The following EPHA5 variants were observed in gnomAD, a reference collection of about 807,000 sequenced individuals.
EPHA5 encodes ephrin type-A receptor 5.
Under a neutral mutation model 105.0 loss-of-function variants are expected in EPHA5, and 60 were observed. That is an observed-to-expected ratio of 0.57 (90% CI 0.46 to 0.71). The LOEUF is 0.71. EPHA5 is among the 30% of genes least tolerant of loss of function. The pLI is 0.00. For missense variants in EPHA5, 1,218 were observed against 1,274.7 expected, an observed-to-expected ratio of 0.96 and a Z score of 0.68; for synonymous variants, 513 against 449.1, an observed-to-expected ratio of 1.14 and a Z score of -1.80.
At position 65,414,416 on chromosome 4, in the gene EPHA5, T is replaced by G. The variant is rs747216262; in HGVS notation, c.1555A>C (p.Lys519Gln). The change falls in exon 7 of 17, where the codon AAA becomes CAA. Residue 519 changes from lysine (K) to glutamine (Q), a missense_variant. Physicochemically the swap from Lys to Gln is moderately conservative, Grantham distance 53. This residue lies in a region of EPHA5 where 971 missense variants were observed against 1,013.5 expected (regional missense o/e 0.96). Transcript: ENST00000613740. ...KDQETSYTII[K>Q]SKETTITAEG... is the part of the protein sequence containing the mutation. ...GCAGTAATAGTTGTCTCTTTAGATTTGATAATCGTGTAGCTGGTCTCTTGG... is the reference window on the plus strand; with the variant it reads ...GCAGTAATAGTTGTCTCTTTAGATTGGATAATCGTGTAGCTGGTCTCTTGG... The G allele has an allele frequency of 6.2e-7, 1 of 1,613,966 alleles. No individual in the cohort carries two copies. The highest frequency in any genetic ancestry group is 8.5e-7 in the Non-Finnish European group (1 of 1,179,884).
intron 5 of EPHA5, among the ~76,000 whole-genome samples, chr4:65,464,658 A>C (rs1406913581): frequency 1.3e-5 from 2 of 152,112 alleles, no homozygotes; most frequent in Non-Finnish European, 2.9e-5. Context: ...ATGATGACCA[A>C]GGGGGAATGT....
intron 14 of EPHA5, among the ~76,000 whole-genome samples, chr4:65,347,643 A>T (rs1722345834): frequency 6.6e-6 from 1 of 152,174 alleles, no homozygotes; most frequent in East Asian, 1.9e-4. Context: ...TTATCCTCTA[A>T]GAGCATCCAC....
chr4:65,442,652 C>A (rs939390423), intron 5 of EPHA5, among the ~76,000 whole-genome samples: 1 of 152,144 alleles, frequency 6.6e-6, no homozygotes, highest in Admixed American at 6.6e-5. Flanking sequence ...ATAATTTTTA[C>A]ATATTTCATA....
At chr4:65,446,231 T>C (rs1381082350) in intron 5 of EPHA5, among the ~76,000 whole-genome samples, 1 of 152,212 alleles carries the variant, frequency 6.6e-6, no homozygotes, top group Non-Finnish European at 1.5e-5. Context: ...CTTGGTATTA[T>C]CTTTGCTTTA....
intron 5 of EPHA5, among the ~76,000 whole-genome samples, chr4:65,489,188 C>T (rs1336217040): frequency 5.9e-5 from 9 of 152,152 alleles, no homozygotes; most frequent in African/African-American, 2.2e-4. Context: ...TGAGCCACCG[C>T]GCCCAGCCAG....
At chr4:65,643,148 A>G (rs1747814226) in intron 2 of EPHA5, among the ~76,000 whole-genome samples, 1 of 152,008 alleles carries the variant, frequency 6.6e-6, no homozygotes, top group African/African-American at 2.4e-5. Flanking sequence ...CTCAGAGAGG[A>G]AATAATATAT....
intron 1 of EPHA5, among the ~76,000 whole-genome samples, chr4:65,651,300 A>C (rs1234174471): frequency 6.6e-6 from 1 of 152,222 alleles, no homozygotes; most frequent in Non-Finnish European, 1.5e-5. Flanking sequence ...TGCCTCTCTC[A>C]GGAATTGCTT....
At chr4:65,640,447 AGCTAATTTTTAT>A (rs1213715717) in intron 2 of EPHA5, among the ~76,000 whole-genome samples, 13 of 151,744 alleles carry the variant, frequency 8.6e-5, no homozygotes, top group Admixed American at 4.6e-4. Flanking sequence ...CACCACGCCC[AGCTAATTTTTAT>A]GTATTTTTAG....
At chr4:65,460,156 T>G (rs1338838041) in intron 5 of EPHA5, among the ~76,000 whole-genome samples, 1 of 151,662 alleles carries the variant, frequency 6.6e-6, no homozygotes, top group Middle Eastern at 3.2e-3. Flanking sequence ...TACACATATA[T>G]GTACATGTAT....
chr4:65,493,836 A>G (rs1290095492), intron 4 of EPHA5, among the ~76,000 whole-genome samples: 1 of 152,152 alleles, frequency 6.6e-6, no homozygotes, highest in Non-Finnish European at 1.5e-5. Context: ...TGCTGAAAAA[A>G]AAAGAAAGAT....
chr4:65,377,848 G>C (rs1719162194), intron 8 of EPHA5, among the ~76,000 whole-genome samples: 2 of 151,854 alleles, frequency 1.3e-5, no homozygotes, highest in South Asian at 4.1e-4. Flanking sequence ...AAAGACATAA[G>C]TTATTTAGTG....
At chr4:65,489,119 G>C (rs527535589) in intron 5 of EPHA5, among the ~76,000 whole-genome samples, 3 of 151,888 alleles carry the variant, frequency 2.0e-5, no homozygotes, top group African/African-American at 4.8e-5. Flanking sequence ...GGATGGTCTC[G>C]ATCTCCTGAC....
intron 3 of EPHA5, among the ~76,000 whole-genome samples, chr4:65,547,789 G>A (rs986826227): frequency 6.6e-6 from 1 of 152,018 alleles, no homozygotes; most frequent in African/African-American, 2.4e-5. Flanking sequence ...CTCAATGACA[G>A]GGGCTGGAGG....
chr4:65,593,340 A>G (rs529982597), intron 3 of EPHA5, among the ~76,000 whole-genome samples: 2 of 152,310 alleles, frequency 1.3e-5, no homozygotes, highest in East Asian at 3.9e-4. Context: ...ACAAGGGATT[A>G]AGATAAATAA....
rs773032839 is a variant in EPHA5 at position 65,601,746 on chromosome 4, C to T, written c.805G>A (p.Asp269Asn). The change falls in exon 3 of 17, where the codon GAT (aspartate) becomes AAT (asparagine). Residue 269 changes from aspartate (D) to asparagine (N), a missense_variant. Asp to Asn is a conservative substitution (Grantham distance 23). This residue lies in a region of EPHA5 where 971 missense variants were observed against 1,013.5 expected (regional missense o/e 0.96). Coordinates refer to ENST00000613740, the MANE Select transcript of EPHA5 (RefSeq NM_001281766.3). ...CTGCAGTGCATTTTGGGAGGTTCAT[C>T]GGTCACAGAATGGTTGACACAGGAG... Reference protein sequence around the residue: ...SGSCVNHSVTDEPPKMHCSAE... With the variant: ...SGSCVNHSVTNEPPKMHCSAE... The T allele has an allele frequency of 1.2e-6, 2 of 1,614,094 alleles. No homozygotes were observed.
At position 65,492,883 on chromosome 4, in the gene EPHA5, T is replaced by C. The variant is rs147080170; in HGVS notation, c.1067-2171A>G. Among the ~76,000 whole-genome samples, 680 of 152,258 alleles carry C rather than the reference T, an allele frequency of 4.5e-3. 6 individuals are homozygous for C. Among genetic ancestry groups the C allele is most frequent in the African/African-American group, 0.016 (648 of 41,550 alleles). On this transcript the variant is annotated intron_variant, in intron 4 of 16. Transcript: ENST00000613740. ...TTACTATAAACTTTAGCTTATTTAA[T>C]AGTACAAAGTTATAGACAAAATGAA...
In EPHA5 at chr4:65,596,681, AAC is replaced by A. The variant is rs71205392; in HGVS notation, c.910+4958_910+4959del. ...CCTTGGTTGTGCCTCACAAAAGCAG[AAC>A]ACACACACACACACACACACACACC... On this transcript the variant is annotated intron_variant, in intron 3 of 16. Coordinates refer to ENST00000613740, the MANE Select transcript of EPHA5 (RefSeq NM_001281766.3). Among the ~76,000 whole-genome samples the A allele has an allele frequency of 3.6e-3, 539 of 150,548 alleles. 1 individual carries two copies. The highest frequency in any genetic ancestry group is 9.7e-3 in the Admixed American group (146 of 15,124).
At chr4:65,641,697 T>TC (rs1453662364) in intron 2 of EPHA5, among the ~76,000 whole-genome samples, 13 of 152,078 alleles carry the variant, frequency 8.5e-5, no homozygotes, top group African/African-American at 3.1e-4. Context: ...ATTAAGCCCC[T>TC]CTAAATTAAC....
At chr4:65,499,872 T>G (rs1032635073) in intron 3 of EPHA5, among the ~76,000 whole-genome samples, 1 of 151,302 alleles carries the variant, frequency 6.6e-6, no homozygotes, top group Non-Finnish European at 1.5e-5. Context: ...GATAAGAGAT[T>G]TGAATTTAAT....
Sources: allele counts gnomAD v4.1 joint callset (sites outside exome capture counted in the v4.1 genomes callset), GRCh38; gene constraint gnomAD v4.1.1; regional missense constraint gnomAD v4.1.1; transcripts MANE v1.5; gene names NCBI Gene and HGNC (gene_info 2026-07-23, HGNC 2026-07-21).